The following LARGE1 variants were observed in gnomAD, a reference collection of about 807,000 sequenced individuals.
LARGE1 encodes xylosyl- and glucuronyltransferase LARGE1.
Under a neutral mutation model 87.6 loss-of-function variants are expected in LARGE1, and 43 were observed. The ratio of observed to expected loss-of-function variants is 0.49; its 90% CI spans 0.38 to 0.63. The LOEUF is 0.63. Ranked by LOEUF, LARGE1 falls within the 30% of genes least tolerant of loss-of-function variation. LARGE1 has a pLI of 0.00. For missense variants in LARGE1, 802 were observed against 1,000.2 expected (o/e 0.80, Z 2.67); for synonymous variants, 434 against 394.6 (o/e 1.10, Z -1.18).
At chr22:33,531,095 T>C (rs986556266) in intron 6 of LARGE1, among the ~76,000 whole-genome samples, 1 of 152,190 alleles carries the variant, frequency 6.6e-6, no homozygotes, top group African/African-American at 2.4e-5. Flanking sequence ...CCTGACAACA[T>C]CAAGCCAGTA....
In LARGE1 at chr22:33,850,384, T is replaced by C. The variant is rs573247755; in HGVS notation, c.-83+69611A>G. Among the ~76,000 whole-genome samples the C allele has an allele frequency of 7.2e-5, 11 of 152,326 alleles. No individual in the cohort carries two copies. In the South Asian group the frequency reaches 2.3e-3, roughly 32 times the overall value. On this transcript the variant is annotated intron_variant, in intron 1 of 14. Transcript: ENST00000397394. ...TTCCGCACTTGAGGTCAGAGGGACC[T>C]AGTTCAACTCTGGGCTGTGAGGCCA...
intron 2 of LARGE1, among the ~76,000 whole-genome samples, chr22:33,652,903 T>C (rs140995554): frequency 6.6e-6 from 1 of 152,136 alleles, no homozygotes; most frequent in Non-Finnish European, 1.5e-5. Context: ...TATGACTCAA[T>C]GAATTGCACT....
intron 1 of LARGE1, among the ~76,000 whole-genome samples, chr22:33,849,683 C>G (rs1036979943): frequency 6.9e-6 from 1 of 144,982 alleles, no homozygotes; most frequent in South Asian, 2.2e-4. Context: ...ACTGCAACCT[C>G]TACCTCCCAG....
At chr22:33,360,767 A>G (rs924048524) in intron 9 of LARGE1, among the ~76,000 whole-genome samples, 1 of 149,646 alleles carries the variant, frequency 6.7e-6, no homozygotes, top group African/African-American at 2.5e-5. Context: ...ATGTTTGCAG[A>G]TAATTGCAGT....
At chr22:33,877,445 T>C (rs75748662) in intron 1 of LARGE1, among the ~76,000 whole-genome samples, 31 of 152,280 alleles carry the variant, frequency 2.0e-4, no homozygotes, top group Non-Finnish European at 3.8e-4. Flanking sequence ...ACAGATTATC[T>C]GGGTTCAAAC....
intron 1 of LARGE1, among the ~76,000 whole-genome samples, chr22:33,769,096 C>T (rs991881953): frequency 6.6e-6 from 1 of 152,210 alleles, no homozygotes; most frequent in African/African-American, 2.4e-5. Context: ...AAATTTGTTA[C>T]AACAGCTTTC....
chr22:33,767,929 C>T (rs1455325495), intron 1 of LARGE1, among the ~76,000 whole-genome samples: 1 of 152,248 alleles, frequency 6.6e-6, no homozygotes, highest in Non-Finnish European at 1.5e-5. Context: ...CACACATTGT[C>T]ACTCGTCTTC....
intron 4 of LARGE1, among the ~76,000 whole-genome samples, chr22:33,605,821 C>T (rs139492170): frequency 0.013 from 1,988 of 152,190 alleles, 20 homozygotes; most frequent in Middle Eastern, 0.048. Context: ...AATATAAGCA[C>T]GGGGCGGAAT....
chr22:33,798,120 G>C (rs1040902676), intron 1 of LARGE1, among the ~76,000 whole-genome samples: 1 of 151,990 alleles, frequency 6.6e-6, no homozygotes, highest in South Asian at 2.1e-4. Context: ...TGAAATAGCC[G>C]TCTCTACTAA....
At chr22:33,658,437 C>G (rs1333289167) in intron 2 of LARGE1, among the ~76,000 whole-genome samples, 1 of 152,176 alleles carries the variant, frequency 6.6e-6, no homozygotes, top group Non-Finnish European at 1.5e-5. Flanking sequence ...GATGCTCTCC[C>G]TCCCCTGCCA....
chr22:33,725,832 A>G (rs2083254259), intron 2 of LARGE1: 1 of 152,184 alleles, frequency 6.6e-6, no homozygotes, highest in Admixed American at 6.5e-5. Context: ...TTTTTTTAAA[A>G]CAATATTTAA....
intron 9 of LARGE1, among the ~76,000 whole-genome samples, chr22:33,380,043 C>T (rs757664173): frequency 6.6e-6 from 1 of 152,202 alleles, no homozygotes; most frequent in Non-Finnish European, 1.5e-5. Flanking sequence ...TCCAGTTGCT[C>T]TTTGCTTATC....
chr22:33,872,415 G>A (rs2064322775), intron 1 of LARGE1, among the ~76,000 whole-genome samples: 1 of 149,816 alleles, frequency 6.7e-6, no homozygotes. Context: ...CACGATCTTT[G>A]CCATTAAAGA....
At chr22:33,854,212 G>GA (rs67771177) in intron 1 of LARGE1, among the ~76,000 whole-genome samples, 2,500 of 72,682 alleles carry the variant, frequency 0.034, 125 homozygotes, top group Non-Finnish European at 0.049. Flanking sequence ...CACTTAAGGG[G>GA]AAAAAAAAAA....
chr22:33,564,631 T>C (rs1480688280), intron 6 of LARGE1, among the ~76,000 whole-genome samples: 1 of 152,260 alleles, frequency 6.6e-6, no homozygotes, highest in Non-Finnish European at 1.5e-5. Context: ...TAAAAACATC[T>C]TCATTTACTA....
chr22:33,377,576 T>C (rs146199092), intron 9 of LARGE1, among the ~76,000 whole-genome samples: 26 of 152,364 alleles, frequency 1.7e-4, no homozygotes, highest in African/African-American at 5.8e-4. Context: ...CTTTGCATGT[T>C]TGCAGAAAAT....
chr22:33,602,478 G>C (rs1289037274), intron 5 of LARGE1, among the ~76,000 whole-genome samples: 1 of 152,102 alleles, frequency 6.6e-6, no homozygotes, highest in Non-Finnish European at 1.5e-5. Flanking sequence ...CTGGGCTCAA[G>C]TGATCTTCCT....
At chr22:33,272,244 T>A (rs5994707), downstream of LARGE1, among the ~76,000 whole-genome samples, 3,913 of 152,356 alleles carry the variant, frequency 0.026, 105 homozygotes, top group African/African-American at 0.069. Flanking sequence ...TATGTGTACA[T>A]CTCCTAACAG....
chr22:33,446,798 C>T (rs1219338526), intron 6 of LARGE1, among the ~76,000 whole-genome samples: 3 of 152,204 alleles, frequency 2.0e-5, no homozygotes, highest in African/African-American at 7.2e-5. Flanking sequence ...GACACCAGGG[C>T]ACCATCTGCA....
Sources: gnomAD v4.1 joint callset for allele counts (sites outside exome capture counted in the v4.1 genomes callset) on GRCh38, gnomAD v4.1.1 for gene constraint, MANE v1.5 for transcripts, NCBI Gene and HGNC (gene_info 2026-07-23, HGNC 2026-07-21) for gene names.